EPB41L2: variants seen among roughly 807,000 people sequenced by gnomAD.
EPB41L2 encodes the protein band 4.1-like protein 2.
In EPB41L2, 43 loss-of-function variants were observed where a neutral mutation model predicts 113.0. The observed-to-expected ratio is 0.38, with a 90% CI of 0.30 to 0.49. The LOEUF (loss-of-function observed/expected upper bound fraction) is 0.49, where lower values mean the gene tolerates loss of function less well. Ranked by LOEUF, EPB41L2 falls within the 20% of genes least tolerant of loss-of-function variation. EPB41L2 has a pLI of 0.95. For missense variants in EPB41L2, 1,147 were observed against 1,223.4 expected, an observed-to-expected ratio of 0.94 and a Z score of 0.93; for synonymous variants, 442 against 436.7, an observed-to-expected ratio of 1.01 and a Z score of -0.15.
intron 14 of EPB41L2, among the ~76,000 whole-genome samples, chr6:130,874,654 T>C (rs1276712398): frequency 6.6e-6 from 1 of 152,202 alleles, no homozygotes; most frequent in Non-Finnish European, 1.5e-5. Flanking sequence ...AAAGTATGTA[T>C]TTTCCTGCAT....
At chr6:130,950,628 A>G (rs1272364288) in intron 3 of EPB41L2, among the ~76,000 whole-genome samples, 1 of 152,244 alleles carries the variant, frequency 6.6e-6, no homozygotes, top group African/African-American at 2.4e-5. Flanking sequence ...ATAGACCAAC[A>G]GTAATTTATC....
chr6:131,023,584 C>A (rs1434161548), intron 1 of EPB41L2, among the ~76,000 whole-genome samples: 3 of 151,946 alleles, frequency 2.0e-5, no homozygotes, highest in Non-Finnish European at 4.4e-5. Flanking sequence ...ATTCAGGAGG[C>A]TGAGGCAGGA....
At chr6:130,897,601 A>G (rs1392847990) in intron 8 of EPB41L2, among the ~76,000 whole-genome samples, 1 of 152,216 alleles carries the variant, frequency 6.6e-6, no homozygotes, top group African/African-American at 2.4e-5. Flanking sequence ...TGCATGTGGT[A>G]AGAATGGCAG....
Position 131,044,244 on chromosome 6 carries a change from T to C in EPB41L2, c.-15+18911A>G, listed in dbSNP as rs545623100. ...TTTCACCATGTTGCCCCGGCTGGTC[T>C]CAAACTCCTGGGCCGAAGTGATCCT... On this transcript the variant is annotated intron_variant, in intron 1 of 19. Transcript: ENST00000337057. Among the ~76,000 whole-genome samples, 11 of 152,038 alleles carry C rather than the reference T, an allele frequency of 7.2e-5. 1 individual carries two copies. In the South Asian group the frequency reaches 2.3e-3, roughly 32 times the overall value.
intron 3 of EPB41L2, among the ~76,000 whole-genome samples, chr6:130,941,561 C>T (rs1410224268): frequency 1.3e-5 from 2 of 152,174 alleles, no homozygotes; most frequent in Non-Finnish European, 2.9e-5. Flanking sequence ...TTGATTCATA[C>T]AGGCTTTCTG....
intron 1 of EPB41L2, chr6:131,013,468 A>G (rs1256162613): frequency 6.6e-6 from 1 of 152,202 alleles, no homozygotes; most frequent in Non-Finnish European, 1.5e-5. Flanking sequence ...CAGCTAAAAT[A>G]CCATTTTCAA....
intron 11 of EPB41L2, among the ~76,000 whole-genome samples, chr6:130,886,859 T>C (rs548979140): frequency 8.5e-5 from 13 of 152,268 alleles, no homozygotes; most frequent in African/African-American, 3.1e-4. Flanking sequence ...GGTCTCAAAC[T>C]CCTGACCTTG....
chr6:130,889,119 G>A (rs1426039226), intron 11 of EPB41L2, among the ~76,000 whole-genome samples: 4 of 151,788 alleles, frequency 2.6e-5, no homozygotes, highest in Non-Finnish European at 5.9e-5. Flanking sequence ...AAGAAAAAAT[G>A]TTTCTGCTAA....
intron 3 of EPB41L2, among the ~76,000 whole-genome samples, chr6:130,930,404 C>T (rs993771252): frequency 3.9e-5 from 6 of 152,148 alleles, no homozygotes; most frequent in African/African-American, 1.2e-4. Context: ...CAACATTATG[C>T]TCAAAGAAAA....
chr6:130,931,518 T>A (rs981784157), intron 3 of EPB41L2, among the ~76,000 whole-genome samples: 1 of 152,152 alleles, frequency 6.6e-6, no homozygotes, highest in Non-Finnish European at 1.5e-5. Flanking sequence ...CATCAGATTA[T>A]CAGGTGACAC....
chr6:130,963,410 C>G (rs1285091081), intron 1 of EPB41L2, among the ~76,000 whole-genome samples: 1 of 152,098 alleles, frequency 6.6e-6, no homozygotes, highest in East Asian at 1.9e-4. Flanking sequence ...AAACCTAATA[C>G]TTGAGTTAAT....
At chr6:130,986,785 C>T (rs1584287069) in intron 1 of EPB41L2, among the ~76,000 whole-genome samples, 1 of 151,764 alleles carries the variant, frequency 6.6e-6, no homozygotes, top group Non-Finnish European at 1.5e-5. Flanking sequence ...TTGAACATTT[C>T]AAATGTAATA....
At chr6:130,998,480 A>G (rs1402345063) in intron 1 of EPB41L2, among the ~76,000 whole-genome samples, 1 of 152,214 alleles carries the variant, frequency 6.6e-6, no homozygotes, top group Non-Finnish European at 1.5e-5. Context: ...AACGAAGAGA[A>G]GGAATGATGA....
intron 1 of EPB41L2, among the ~76,000 whole-genome samples, chr6:131,025,050 G>T (rs1326711450): frequency 1.3e-5 from 2 of 148,338 alleles, no homozygotes; most frequent in Non-Finnish European, 3.0e-5. Flanking sequence ...TTATTTCAGG[G>T]TTTTTTTTTT....
At chr6:131,006,816 G>T (rs6921207) in intron 1 of EPB41L2, among the ~76,000 whole-genome samples, 2 of 151,644 alleles carry the variant, frequency 1.3e-5, no homozygotes, top group African/African-American at 2.4e-5. Context: ...CATGCACCCC[G>T]ACCTCTGAAT....
chr6:130,958,323 G>A (rs776054420), intron 1 of EPB41L2, among the ~76,000 whole-genome samples: 1 of 152,082 alleles, frequency 6.6e-6, no homozygotes, highest in African/African-American at 2.4e-5. Context: ...GTGGTGGCAC[G>A]TCTCTGTAAT....
chr6:131,007,502 G>A (rs569633816), intron 1 of EPB41L2, among the ~76,000 whole-genome samples: 3 of 152,244 alleles, frequency 2.0e-5, no homozygotes, highest in Admixed American at 2.0e-4. Context: ...CCGAAAATGT[G>A]GAAGGAACTT....
intron 1 of EPB41L2, among the ~76,000 whole-genome samples, chr6:131,025,766 G>A (rs13194156): frequency 0.022 from 3,368 of 152,242 alleles, 68 homozygotes; most frequent in South Asian, 0.092. Flanking sequence ...TGGAAATACC[G>A]TACAAGCAGC....
intron 1 of EPB41L2, among the ~76,000 whole-genome samples, chr6:130,995,880 C>T (rs1301492716): frequency 1.3e-5 from 2 of 152,182 alleles, no homozygotes; most frequent in Non-Finnish European, 2.9e-5. Flanking sequence ...CAATCCTTTT[C>T]TATCTCCTCC....
Sources: allele counts gnomAD v4.1 joint callset (sites outside exome capture counted in the v4.1 genomes callset), GRCh38; gene constraint gnomAD v4.1.1; transcripts MANE v1.5; gene names NCBI Gene and HGNC (gene_info 2026-07-23, HGNC 2026-07-21).